Variants in MMUT observed in about 807,000 individuals in gnomAD.
MMUT encodes methylmalonyl-CoA mutase, mitochondrial.
In MMUT, 79 loss-of-function variants were observed where a neutral mutation model predicts 79.9. The observed-to-expected ratio is 0.99, with a 90% CI of 0.82 to 1.19. The LOEUF is 1.19. Ranked by LOEUF, MMUT falls within the 50% of genes most tolerant of loss-of-function variation. MMUT has a pLI of 0.00. For missense variants in MMUT, 860 were observed against 917.2 expected (o/e 0.94, Z 0.81); for synonymous variants, 273 against 295.7 (o/e 0.92, Z 0.79).
intron 9 of MMUT, chr6:49,443,811 A>T (rs1345710358): frequency 4.6e-6 from 2 of 438,764 alleles, no homozygotes; most frequent in Admixed American, 4.9e-5. Flanking sequence ...CTATGGGAAC[A>T]CTGAAGCAGA....
chr6:49,436,604 C>CA lies in MMUT; in HGVS notation c.1957-982dup, dbSNP rs35151510. ...TGGATGAAAGAGCGAGACTCTGTTT[C>CA]AAAAAAAAAAAAAAAAATACACATT... On this transcript the variant is annotated intron_variant, in intron 11 of 12. Transcript: ENST00000274813. Among the ~76,000 whole-genome samples, 1,656 of 110,930 alleles carry CA rather than the reference C, an allele frequency of 0.015. 31 individuals are homozygous for CA. The highest frequency in any genetic ancestry group is 0.096 in the South Asian group (356 of 3,710). The allele number at this position is 110,930 out of a possible 152,430, so 72.8% of individuals were successfully genotyped here.
At chr6:49,436,923 AAC>A (rs974611022) in intron 11 of MMUT, among the ~76,000 whole-genome samples, 1 of 152,088 alleles carries the variant, frequency 6.6e-6, no homozygotes, top group African/African-American at 2.4e-5. Context: ...AGAGGGAAAC[AAC>A]ACACACTGGG....
intron 9 of MMUT, 108 bp downstream of exon 9, chr6:49,444,531 T>C: frequency 1.2e-6 from 1 of 856,214 alleles, no homozygotes; most frequent in Non-Finnish European, 2.0e-6. Flanking sequence ...ATTATTTTCT[T>C]TTGGGCTCAC....
rs1209214161 is a variant in MMUT, at chr6:49,430,615, G to A, written c.*1113C>T. ...TTACAATGAGTTTGTAAATTCTACA[G>A]TAATGTATCTATAATACTTTCCAAA... On this transcript the variant is annotated 3_prime_UTR_variant, in exon 13 of 13. Coordinates refer to ENST00000274813, the MANE Select transcript of MMUT (RefSeq NM_000255.4). The A allele has an allele frequency of 1.5e-5, 2 of 131,086 alleles. No individual in the cohort carries two copies. The highest frequency in any genetic ancestry group is 3.4e-5 in the Non-Finnish European group (2 of 58,528). The allele number at this position is 131,086 out of a possible 1,614,324, so 8.1% of individuals were successfully genotyped here.
At chr6:49,442,680 G>C (rs1045068215) in intron 9 of MMUT, among the ~76,000 whole-genome samples, 7 of 151,986 alleles carry the variant, frequency 4.6e-5, no homozygotes, top group Non-Finnish European at 7.4e-5. Flanking sequence ...TATAAAAAGG[G>C]GGATCCCAAG....
At chr6:49,451,012 C>G (rs1032897677) in intron 6 of MMUT, among the ~76,000 whole-genome samples, 1 of 152,088 alleles carries the variant, frequency 6.6e-6, no homozygotes, top group Non-Finnish European at 1.5e-5. Context: ...ATCTAAACTA[C>G]CCTACTAGGA....
chr6:49,437,414 T>C (rs188157315), intron 11 of MMUT, among the ~76,000 whole-genome samples: 16 of 151,576 alleles, frequency 1.1e-4, no homozygotes, highest in Non-Finnish European at 1.8e-4. Context: ...ATAGAAAAAA[T>C]AGATGGAAAT....
intron 6 of MMUT, among the ~76,000 whole-genome samples, chr6:49,450,567 C>A (rs1370509280): frequency 6.6e-6 from 1 of 151,808 alleles, no homozygotes; most frequent in Non-Finnish European, 1.5e-5. Context: ...TATTGAAAGC[C>A]AGAATAAAAA....
intron 12 of MMUT, among the ~76,000 whole-genome samples, 157 bp downstream of exon 12, chr6:49,435,299 C>T (rs1263696127): frequency 1.3e-5 from 2 of 152,146 alleles, no homozygotes; most frequent in African/African-American, 4.8e-5. Flanking sequence ...GAATGCAAAA[C>T]AACACTGTCC....
intron 6 of MMUT, among the ~76,000 whole-genome samples, chr6:49,450,363 T>C (rs917274338): frequency 2.7e-5 from 4 of 149,190 alleles, no homozygotes; most frequent in Non-Finnish European, 5.9e-5. Flanking sequence ...AAAGAAATAA[T>C]ACAAGAAAAT....
chr6:49,456,447 A>C (rs904689716), intron 3 of MMUT, among the ~76,000 whole-genome samples: 10 of 152,160 alleles, frequency 6.6e-5, no homozygotes, highest in African/African-American at 1.4e-4. Flanking sequence ...CATCATCAGG[A>C]CTGTACCTAC....
chr6:49,441,911 A>G lies in MMUT; in HGVS notation c.1737T>C (p.Asn579=), dbSNP rs770895512. The change falls in exon 10 of 13, where the codon AAT becomes AAC. Residue 579 remains asparagine (N), a synonymous_variant. Coordinates refer to ENST00000274813, the MANE Select transcript of MMUT (RefSeq NM_000255.4). ...GATATGCTCCACTCACCATTCGATC[A>G]TTCGCTTTATGTTCACCAAATACCT... The part of the protein sequence containing the change: ...LKKVFGEHKA[N]DRMVSGAYRQ... 24 of 1,612,154 alleles carry G rather than the reference A, an allele frequency of 1.5e-5. No homozygotes were observed. The Admixed American group carries it at 2.0e-4, about 13-fold the overall frequency.
chr6:49,460,386 T>C (rs1482754910), intron 1 of MMUT, among the ~76,000 whole-genome samples: 1 of 152,166 alleles, frequency 6.6e-6, no homozygotes, highest in East Asian at 1.9e-4. Flanking sequence ...TGCACACAAT[T>C]CATCCCAGAA....
chr6:49,444,841 T>C (rs1767373030), intron 8 of MMUT, 87 bp from the exon 9 acceptor site: 14 of 979,420 alleles, frequency 1.4e-5, no homozygotes, highest in Non-Finnish European at 2.2e-5. Flanking sequence ...GCATAGCATA[T>C]GGCATTTTTT....
intron 5 of MMUT, among the ~76,000 whole-genome samples, chr6:49,453,022 G>C (rs1581831294): frequency 7.4e-6 from 1 of 135,422 alleles, no homozygotes; most frequent in African/African-American, 2.7e-5. Flanking sequence ...ATCAAATTCT[G>C]TTTTCTTTCT....
At chr6:49,446,022 C>T (rs1318822325) in intron 8 of MMUT, among the ~76,000 whole-genome samples, 1 of 151,932 alleles carries the variant, frequency 6.6e-6, no homozygotes, top group Non-Finnish European at 1.5e-5. Flanking sequence ...GATAAGGTGA[C>T]ATTTGAGCAA....
At chr6:49,453,827 T>C (rs1179487106) in intron 4 of MMUT, 71 bp from the exon 5 acceptor site, 47 of 1,261,358 alleles carry the variant, frequency 3.7e-5, no homozygotes, top group Non-Finnish European at 3.7e-5. Flanking sequence ...AAACTAATTG[T>C]ATCACACACT....
In MMUT at chr6:49,463,100, C is replaced by T. The variant is rs1323046198; in HGVS notation, c.-40+3G>A. 1 of 152,344 alleles carries T rather than the reference C, an allele frequency of 6.6e-6. No homozygotes were observed. 9.4% of individuals were successfully genotyped at this position (152,344 alleles called of 1,614,324 possible). ...CGATCTGAAAGGTGTACGTCCTACT[C>T]ACTGGTAGGCCTGTTTTGGACTCCG... is the stretch of plus-strand genomic sequence containing the variant. On this transcript the variant is annotated splice_donor_region_variant and intron_variant, in intron 1 of 12. Coordinates refer to ENST00000274813, the MANE Select transcript of MMUT (RefSeq NM_000255.4).
rs879253826 is a variant in MMUT, at chr6:49,459,137, A to C, written c.330T>G (p.Tyr110Ter). Residue 110 changes from tyrosine (Y) to a stop codon, truncating the protein, a stop_gained, in exon 2 of 13, where the codon TAT becomes TAG. Transcript: ENST00000274813. LOFTEE classifies it high-confidence loss of function. The part of the protein sequence containing the change: ...YTFRPWTIRQ[Y>*]AGFSTVEESN... ...TTTCTTCCACAGTACTAAAACCAGC[A>C]TACTGGCGGATGGTCCAGGGCCTAA... 2.5e-6 allele frequency: 4 copies of C among 1,614,180 alleles called. No homozygotes were observed. Among genetic ancestry groups the C allele is most frequent in the Non-Finnish European group, 3.4e-6 (4 of 1,180,030 alleles).
Sources: allele counts gnomAD v4.1 joint callset (sites outside exome capture counted in the v4.1 genomes callset), GRCh38; gene constraint gnomAD v4.1.1; transcripts MANE v1.5; gene names NCBI Gene and HGNC (gene_info 2026-07-23, HGNC 2026-07-21).